SNAI1: variants seen among roughly 807,000 people sequenced by gnomAD.
SNAI1 encodes the protein snail family transcriptional repressor 1.
Under a neutral mutation model 24.7 loss-of-function variants are expected in SNAI1, and 15 were observed. That is an observed-to-expected ratio of 0.61 (90% CI 0.41 to 0.93). SNAI1 has a LOEUF of 0.93. Ranked by LOEUF, SNAI1 falls within the 40% of genes least tolerant of loss-of-function variation. The pLI is 0.00. For missense variants in SNAI1, 283 were observed against 336.7 expected (o/e 0.84, Z 1.25); for synonymous variants, 163 against 142.9 (o/e 1.14, Z -1.00).
rs984883204 is a variant in SNAI1, at chr20:49,988,291, G to T, written c.*235G>T. On this transcript the variant is annotated 3_prime_UTR_variant, in exon 3 of 3. Transcript: ENST00000244050. ...CCATTTCTGTGGAGGGAGGGCAGCTGGCCCCCAGCCCTGGGGGATTCCTGA... is the reference window on the plus strand; with the variant it reads ...CCATTTCTGTGGAGGGAGGGCAGCTTGCCCCCAGCCCTGGGGGATTCCTGA... 8.8e-5 allele frequency: 45 copies of T among 508,694 alleles called. No individual in the cohort carries two copies. In the Middle Eastern group the frequency reaches 1.5e-3, roughly 17 times the overall value. 31.5% of individuals were successfully genotyped at this position (508,694 alleles called of 1,614,324 possible).
rs751034214 is a variant in SNAI1 at position 49,987,863 on chromosome 20, T to C, written c.611-9T>C. The C allele has an allele frequency of 5.0e-6, 8 of 1,613,612 alleles. No individual in the cohort carries two copies. Among genetic ancestry groups the C allele is most frequent in the Non-Finnish European group, 6.8e-6 (8 of 1,179,888 alleles). ...GGCTCACTCGGCCTTTCTGGCGTTC[T>C]CTCCCCAGGCGAGAAGCCCTTCTCC... On this transcript the variant is annotated splice_polypyrimidine_tract_variant and intron_variant, in intron 2 of 2. Coordinates refer to ENST00000244050, the MANE Select transcript of SNAI1 (RefSeq NM_005985.4).
intron 2 of SNAI1, among the ~76,000 whole-genome samples, chr20:49,987,518 C>T (rs2078337638): frequency 6.6e-6 from 1 of 152,184 alleles, no homozygotes; most frequent in Admixed American, 6.5e-5. Flanking sequence ...TAGGATGAAT[C>T]AGTAAAGGTG....
intron 1 of SNAI1, among the ~76,000 whole-genome samples, chr20:49,983,441 C>T (rs2078323169): frequency 7.1e-6 from 1 of 140,120 alleles, no homozygotes; most frequent in Admixed American, 7.7e-5. Context: ...GGAGGGCCCT[C>T]TGGACGCTGC....
At chr20:49,985,692 G>A (rs1216148315) in intron 2 of SNAI1, among the ~76,000 whole-genome samples, 1 of 152,222 alleles carries the variant, frequency 6.6e-6, no homozygotes, top group East Asian at 1.9e-4. Flanking sequence ...CCAGTGGGTG[G>A]GGGCTGGGAG....
rs1441759863 is a variant in SNAI1, at chr20:49,984,039, TCCCAGCCC to T, written c.307_314del (p.Pro103ThrfsTer39). The T allele has an allele frequency of 6.2e-7, 1 of 1,613,546 alleles. No individual in the cohort carries two copies. The highest frequency in any genetic ancestry group is 8.5e-7 in the Non-Finnish European group (1 of 1,179,808). The stretch of plus-strand genomic sequence containing the variant: ...GTCAGATGAGGACAGTGGGAAAGGC[TCCCAGCCC>T]CCCAGCCCACCCTCACCGGCTCCTT... On this transcript the variant is annotated frameshift_variant, in exon 2 of 3. Transcript: ENST00000244050. LOFTEE classifies it high-confidence loss of function.
Position 49,984,360 on chromosome 20 carries a change from C to G in SNAI1, c.610+9C>G, listed in dbSNP as rs2078327457. 6.3e-7 allele frequency: 1 copy of G among 1,579,396 alleles called. No individual in the cohort carries two copies. The highest frequency in any genetic ancestry group is 2.3e-5 in the East Asian group (1 of 43,478). On this transcript the variant is annotated intron_variant, in intron 2 of 2. Transcript: ENST00000244050. ...TGTCCGGACCCACACTGGTACGTGC[C>G]CCTCCAGGCGCCCCCACCGTTGCTC...
chr20:49,984,118 A>G lies in SNAI1; in HGVS notation c.377A>G (p.Tyr126Cys), dbSNP rs774999329. Residue 126 changes from tyrosine (Y) to cysteine (C), a missense_variant, in exon 2 of 3, where the codon TAT (tyrosine) becomes TGT (cysteine). Tyr to Cys is a radical substitution (Grantham distance 194, BLOSUM62 -2). Transcript: ENST00000244050. ...GTCTCTTCCTTGGAGGCCGAGGCCTATGCTGCCTTCCCAGGCTTGGGCCAA... is the reference window on the plus strand; with the variant it reads ...GTCTCTTCCTTGGAGGCCGAGGCCTGTGCTGCCTTCCCAGGCTTGGGCCAA... ...TSVSSLEAEA[Y>C]AAFPGLGQVP... 25 of 1,614,058 alleles carry G rather than the reference A, an allele frequency of 1.5e-5. 2 individuals carry two copies. The South Asian group carries it at 2.0e-4, about 13-fold the overall frequency.
chr20:49,983,280 A>G (rs989556436), intron 1 of SNAI1, 139 bp downstream of exon 1: 3 of 710,724 alleles, frequency 4.2e-6, no homozygotes, highest in Non-Finnish European at 4.9e-6. Context: ...GGCTCGGGAG[A>G]CCGGGCAAGT....
Position 49,988,748 on chromosome 20 carries a change from G to A in SNAI1, c.*692G>A, listed in dbSNP as rs1278874154. On this transcript the variant is annotated 3_prime_UTR_variant, in exon 3 of 3. Coordinates refer to ENST00000244050, the MANE Select transcript of SNAI1 (RefSeq NM_005985.4). ...ACTATTCTGGGGGCCCGACAGGTGGGCCTGGGAGGAAGATGTTTACATTTT... is the reference window on the plus strand; with the variant it reads ...ACTATTCTGGGGGCCCGACAGGTGGACCTGGGAGGAAGATGTTTACATTTT... 1 of 152,646 alleles carries A rather than the reference G, an allele frequency of 6.6e-6. No homozygotes were observed. Among genetic ancestry groups the A allele is most frequent in the Non-Finnish European group, 1.5e-5 (1 of 68,054 alleles). 9.5% of individuals were successfully genotyped at this position (152,646 alleles called of 1,614,324 possible).
In SNAI1 at chr20:49,986,271, C is replaced by G. The variant is rs1326819537; in HGVS notation, c.611-1601C>G. On this transcript the variant is annotated intron_variant, in intron 2 of 2. Transcript: ENST00000244050. ...AGAGTGGAGTAGTGCTCAGGCACCC[C>G]TCCCCCAATCCTCTATGTCCCCCAC... 3.9e-5 allele frequency among the ~76,000 whole-genome samples: 6 copies of G among 152,316 alleles called. No homozygotes were observed. In the South Asian group the frequency reaches 1.0e-3, roughly 26 times the overall value.
intron 1 of SNAI1, 101 bp downstream of exon 1, chr20:49,983,242 G>GT: frequency 1.1e-6 from 1 of 895,750 alleles, no homozygotes; most frequent in Non-Finnish European, 1.8e-6. Flanking sequence ...CCAGGATCGA[G>GT]TCACAGGATG....
chr20:49,988,076 C>T lies in SNAI1; in HGVS notation c.*20C>T, dbSNP rs767506905. On this transcript the variant is annotated 3_prime_UTR_variant, in exon 3 of 3. Transcript: ENST00000244050. ...CGCTGACCCTCGAGGCTCCCTCTTC[C>T]TCTCCATACCTGCCCCTGCCTGACA... 7 of 1,560,354 alleles carry T rather than the reference C, an allele frequency of 4.5e-6. No individual in the cohort carries two copies. In the African/African-American group the frequency reaches 9.5e-5, roughly 21 times the overall value.
chr20:49,986,761 C>A (rs934031506), intron 2 of SNAI1, among the ~76,000 whole-genome samples: 5 of 152,314 alleles, frequency 3.3e-5, no homozygotes, highest in African/African-American at 7.2e-5. Context: ...CCACCACACC[C>A]AGCCTCAATA....
chr20:49,983,743 GC>G, intron 1 of SNAI1, 80 bp from the exon 2 acceptor site: 2 of 1,373,590 alleles, frequency 1.5e-6, no homozygotes, highest in Non-Finnish European at 2.0e-6. Context: ...GCCCCACCCA[GC>G]CCCTGGCCAG....
rs1306282469 is a variant in SNAI1, at chr20:49,988,689, G to C, written c.*633G>C. On this transcript the variant is annotated 3_prime_UTR_variant, in exon 3 of 3. Transcript: ENST00000244050. ...GCTGTCACTTGTCGGGGGCCCAAGT[G>C]GGGTGCTCTGGTCTGACCGATGTGT... 1.3e-5 allele frequency: 2 copies of C among 152,704 alleles called. No individual in the cohort carries two copies. The highest frequency in any genetic ancestry group is 2.9e-5 in the Non-Finnish European group (2 of 68,124). 9.5% of individuals were successfully genotyped at this position (152,704 alleles called of 1,614,324 possible).
rs954847055 is a variant in SNAI1, at chr20:49,983,208, C to T, written c.82+67C>T. On this transcript the variant is annotated intron_variant, in intron 1 of 2. Transcript: ENST00000244050. ...ACAGGCGAAGGCTGCGTGGGGGGCA[C>T]CTGAGGGAGGCGGCCTGCCTGAGCC... is the stretch of plus-strand genomic sequence containing the variant. The T allele has an allele frequency of 2.3e-5, 28 of 1,232,608 alleles. No individual in the cohort carries two copies. The South Asian group carries it at 3.2e-4, about 14-fold the overall frequency. 76.4% of individuals were successfully genotyped at this position (1,232,608 alleles called of 1,614,324 possible). A position where few individuals can be genotyped will look rare whatever the true frequency, so the allele number is the denominator to read the frequency against.
At chr20:49,983,778 G>T in intron 1 of SNAI1, 46 bp from the exon 2 acceptor site, 1 of 1,519,414 alleles carries the variant, frequency 6.6e-7, no homozygotes, top group South Asian at 1.3e-5. Flanking sequence ...TTTGTTGATT[G>T]AGTGAATGAT....
chr20:49,986,195 G>A (rs2078333397), intron 2 of SNAI1, among the ~76,000 whole-genome samples: 1 of 152,208 alleles, frequency 6.6e-6, no homozygotes. Flanking sequence ...GACTTAGAAT[G>A]CAATCAACAA....
intron 2 of SNAI1, among the ~76,000 whole-genome samples, chr20:49,986,310 G>A (rs1292974424): frequency 2.0e-5 from 3 of 152,096 alleles, no homozygotes; most frequent in Non-Finnish European, 2.9e-5. Context: ...TTGGAGTGGC[G>A]AGTTTCCATT....
Sources: allele counts gnomAD v4.1 joint callset (sites outside exome capture counted in the v4.1 genomes callset), GRCh38; gene constraint gnomAD v4.1.1; transcripts MANE v1.5; gene names NCBI Gene and HGNC (gene_info 2026-07-23, HGNC 2026-07-21).